Variants in CHD5 observed in about 807,000 individuals in gnomAD.
The protein encoded by CHD5 is ATP-dependent chromatin remodeler CHD5.
CHD5 carries 69 observed loss-of-function variants against 230.3 expected under a neutral mutation model. The ratio of observed to expected loss-of-function variants is 0.30; its 90% CI spans 0.25 to 0.37. CHD5 has a LOEUF of 0.37. Ranked by LOEUF, CHD5 falls within the 10% of genes least tolerant of loss-of-function variation. The pLI is 1.00. For synonymous variants in CHD5, 1,064 were observed against 1,065.9 expected, an observed-to-expected ratio of 1.00 and a Z score of 0.03; for missense variants, 1,827 against 2,622.8, an observed-to-expected ratio of 0.70 and a Z score of 6.63.
Position 6,174,346 on chromosome 1 carries a change from A to G in CHD5, c.79+5599T>C, listed in dbSNP as rs1667385570. Among the ~76,000 whole-genome samples the G allele has an allele frequency of 2.6e-5, 4 of 152,222 alleles. No homozygotes were observed. In the South Asian group the frequency reaches 8.3e-4, roughly 32 times the overall value. On this transcript the variant is annotated intron_variant, in intron 1 of 41. Transcript: ENST00000262450. ...GTGTTCAGTACCCAGCTCAGAGAAG[A>G]TATTCCAGAAGTCTCTGATGGGTGG... is the stretch of plus-strand genomic sequence containing the variant.
Position 6,121,629 on chromosome 1 carries a change from G to T in CHD5, c.4700-56C>A. On this transcript the variant is annotated intron_variant, in intron 31 of 41. Transcript: ENST00000262450. The surrounding 1 kb of genome is among the most constrained non-coding windows in gnomAD (Gnocchi z 4.5). ...GTGGGCTCAGACGGGAAGGAGTAGG[G>T]CAGGGAGTGGGGTGGCAGAGAGGAG... 1 of 1,337,326 alleles carries T rather than the reference G, an allele frequency of 7.5e-7. No homozygotes were observed. The highest frequency in any genetic ancestry group is 1.1e-6 in the Non-Finnish European group (1 of 946,374). The allele number at this position is 1,337,326 out of a possible 1,614,324, so 82.8% of individuals were successfully genotyped here.
chr1:6,113,983 C>T (rs1179058144), intron 33 of CHD5, among the ~76,000 whole-genome samples: 1 of 152,196 alleles, frequency 6.6e-6, no homozygotes, highest in East Asian at 1.9e-4. Flanking sequence ...GGCGCGGTGG[C>T]TCACGCCTGT....
At chr1:6,140,934 C>G (rs180897695) in intron 15 of CHD5, among the ~76,000 whole-genome samples, 1 of 150,770 alleles carries the variant, frequency 6.6e-6, no homozygotes, top group Admixed American at 6.6e-5. Context: ...TCACTGCACT[C>G]TAGCCTGGGT....
chr1:6,146,354 A>AG lies in CHD5; in HGVS notation c.1659dup (p.Phe554LeufsTer2), dbSNP rs1419451052. ...TCTTCATCCCCAGAGCCGTAGTCAAAGGGGGGCGGCTCATCCATGTCGTTC... is the reference window on the plus strand; with the variant it reads ...TCTTCATCCCCAGAGCCGTAGTCAAAGGGGGGGCGGCTCATCCATGTCGTTC... On this transcript the variant is annotated frameshift_variant, in exon 11 of 42. Transcript: ENST00000262450. LOFTEE classifies it high-confidence loss of function. The surrounding 1 kb of genome is among the most constrained non-coding windows in gnomAD (Gnocchi z 5.1). The AG allele has an allele frequency of 6.2e-7, 1 of 1,614,142 alleles. No individual in the cohort carries two copies. The highest frequency in any genetic ancestry group is 1.7e-5 in the Admixed American group (1 of 60,024).
At chr1:6,122,137 T>C (rs1002268627) in intron 31 of CHD5, among the ~76,000 whole-genome samples, 1 of 152,140 alleles carries the variant, frequency 6.6e-6, no homozygotes, top group Admixed American at 6.5e-5. Flanking sequence ...TGTGTCCACC[T>C]CCAAGGGCTC....
In CHD5 at chr1:6,170,373, C is replaced by G. The variant is rs545589249; in HGVS notation, c.80-2096G>C. 3.0e-4 allele frequency among the ~76,000 whole-genome samples: 45 copies of G among 152,308 alleles called. No individual in the cohort carries two copies. The South Asian group carries it at 8.7e-3, about 29-fold the overall frequency. On this transcript the variant is annotated intron_variant, in intron 1 of 41. Transcript: ENST00000262450. ...GGGCTCCTACCCTGGGTCTCTGGGG[C>G]TCCCATGGCCCACACTATGGGTGCA...
rs760560426 is a variant in CHD5, at chr1:6,106,255, C to A, written c.*25G>T. 2.8e-5 allele frequency: 45 copies of A among 1,612,654 alleles called. No homozygotes were observed. The highest frequency in any genetic ancestry group is 3.6e-5 in the Non-Finnish European group (43 of 1,179,962). On this transcript the variant is annotated 3_prime_UTR_variant, in exon 41 of 42. Transcript: ENST00000262450. ...TCACCTCAGCTGGAAATGAGCGCTG[C>A]AACACAGGGAAGTCTCGAGGACGGC...
intron 33 of CHD5, among the ~76,000 whole-genome samples, chr1:6,117,684 A>C (rs547541409): frequency 6.6e-6 from 1 of 152,390 alleles, no homozygotes; most frequent in South Asian, 2.1e-4. Flanking sequence ...TCACATGAAA[A>C]AATATTCAAC....
At chr1:6,172,678 G>A (rs1411208790) in intron 1 of CHD5, among the ~76,000 whole-genome samples, 1 of 152,172 alleles carries the variant, frequency 6.6e-6, no homozygotes, top group Non-Finnish European at 1.5e-5. Context: ...CCCACGCTGT[G>A]TAAACCGGCT....
chr1:6,109,460 T>G (rs1666249833), intron 38 of CHD5, among the ~76,000 whole-genome samples: 1 of 152,222 alleles, frequency 6.6e-6, no homozygotes, highest in Non-Finnish European at 1.5e-5. Context: ...TGATGGGTAT[T>G]GCCCGGGCTA....
In CHD5 at chr1:6,180,288, G is replaced by A. The variant is rs2100894801; in HGVS notation, c.-265C>T. On this transcript the variant is annotated 5_prime_UTR_variant, in exon 1 of 42. Transcript: ENST00000262450. ...AGCCCGAGTCCCGCAGCCGGCCGAG[G>A]GTGGCGGCGGCAGCGCCAGAGGCAC... 6.6e-6 allele frequency among the ~76,000 whole-genome samples: 1 copy of A among 151,228 alleles called. No homozygotes were observed. The highest frequency in any genetic ancestry group is 2.1e-4 in the South Asian group (1 of 4,802).
chr1:6,104,584 A>T lies in CHD5; in HGVS notation c.*890T>A, dbSNP rs1479304955. 6.6e-6 allele frequency: 1 copy of T among 152,348 alleles called. No homozygotes were observed. The highest frequency in any genetic ancestry group is 1.5e-5 in the Non-Finnish European group (1 of 68,226). 9.4% of individuals were successfully genotyped at this position (152,348 alleles called of 1,614,324 possible). A position where few individuals can be genotyped will look rare whatever the true frequency, so the allele number is the denominator to read the frequency against. On this transcript the variant is annotated 3_prime_UTR_variant, in exon 42 of 42. Coordinates refer to ENST00000262450, the MANE Select transcript of CHD5 (RefSeq NM_015557.3). ...TTAACCACACCTCTGGCAGAAGGCA[A>T]ACCCAACGCAGCAGTGGCTCCGAGG... is the stretch of plus-strand genomic sequence containing the variant.
intron 33 of CHD5, among the ~76,000 whole-genome samples, chr1:6,119,866 T>TA (rs1557540359): frequency 1.5e-3 from 126 of 84,278 alleles, no homozygotes; most frequent in South Asian, 8.8e-3. Context: ...ATATATATAT[T>TA]TTTTTTTTTT....
chr1:6,150,610 TA>T (rs1012448591), intron 7 of CHD5, among the ~76,000 whole-genome samples: 2 of 150,338 alleles, frequency 1.3e-5, no homozygotes, highest in Non-Finnish European at 3.0e-5. Context: ...GATGGATGGA[TA>T]AAAAGAAGGG....
In CHD5 at chr1:6,104,416, C is replaced by G. The variant is rs1666125139; in HGVS notation, c.*1058G>C. ...CCTTTCCAGGGACAGGGGAATGGGA[C>G]AAGTCCAGGCCCCCAGGGGCAGCCC... is the stretch of plus-strand genomic sequence containing the variant. On this transcript the variant is annotated 3_prime_UTR_variant, in exon 42 of 42. Coordinates refer to ENST00000262450, the MANE Select transcript of CHD5 (RefSeq NM_015557.3). 6.6e-6 allele frequency: 1 copy of G among 152,404 alleles called. No individual in the cohort carries two copies. The highest frequency in any genetic ancestry group is 1.5e-5 in the Non-Finnish European group (1 of 68,220). 9.4% of individuals were successfully genotyped at this position (152,404 alleles called of 1,614,324 possible).
rs1018497118 is a variant in CHD5, at chr1:6,129,245, G to A, written c.3388-176C>T. Among the ~76,000 whole-genome samples, 60 of 152,146 alleles carry A rather than the reference G, an allele frequency of 3.9e-4. No individual in the cohort carries two copies. Among genetic ancestry groups the A allele is most frequent in the East Asian group, 1.9e-4 (1 of 5,180 alleles). ...GCAGCTGGGCTCCCTCCCTGACTGC[G>A]GAGCCTCCCACAAGCCTGGGTGCCA... On this transcript the variant is annotated intron_variant, in intron 22 of 41. Coordinates refer to ENST00000262450, the MANE Select transcript of CHD5 (RefSeq NM_015557.3). This position sits in a 1 kb window ranked among gnomAD's most constrained non-coding sequence, Gnocchi z 6.8.
chr1:6,136,477 G>GC (rs1395412865), intron 17 of CHD5, 40 bp downstream of exon 17: 3 of 1,607,198 alleles, frequency 1.9e-6, no homozygotes, highest in Non-Finnish European at 2.6e-6. Flanking sequence ...GGGCCACCCA[G>GC]CCCCACCACC....
Position 6,131,088 on chromosome 1 carries a change from G to A in CHD5, c.3262+543C>T, listed in dbSNP as rs1666649784. Among the ~76,000 whole-genome samples, 1 of 152,232 alleles carries A rather than the reference G, an allele frequency of 6.6e-6. No individual in the cohort carries two copies. Among genetic ancestry groups the A allele is most frequent in the South Asian group, 2.1e-4 (1 of 4,834 alleles). On this transcript the variant is annotated intron_variant, in intron 21 of 41. Coordinates refer to ENST00000262450, the MANE Select transcript of CHD5 (RefSeq NM_015557.3). This position sits in a 1 kb window ranked among gnomAD's most constrained non-coding sequence, Gnocchi z 5.0. ...TACTATTTGCTGCAAACTTGCTACT[G>A]AAGCTTACAGCCGACTGCTTCCCAC...
Position 6,133,985 on chromosome 1 carries a change from AC to A in CHD5, c.3144+142del. Reference sequence around the variant, plus strand: ...CATTATGCCAGGGCACGGGGGAGTGACCCCTGACACACAGTCACATGACCCA... The same window carrying A: ...CATTATGCCAGGGCACGGGGGAGTGACCCTGACACACAGTCACATGACCCA... On this transcript the variant is annotated intron_variant, in intron 20 of 41. Coordinates refer to ENST00000262450, the MANE Select transcript of CHD5 (RefSeq NM_015557.3). The A allele has an allele frequency of 4.0e-6, 3 of 758,410 alleles. No individual in the cohort carries two copies. The East Asian group carries it at 8.0e-5, about 20-fold the overall frequency. The allele number at this position is 758,410 out of a possible 1,614,324, so 47.0% of individuals were successfully genotyped here. A position where few individuals can be genotyped will look rare whatever the true frequency, so the allele number is the denominator to read the frequency against.
Sources: allele counts gnomAD v4.1 joint callset (sites outside exome capture counted in the v4.1 genomes callset), GRCh38; gene constraint gnomAD v4.1.1; non-coding constraint Gnocchi (gnomAD v3.1); transcripts MANE v1.5; gene names NCBI Gene and HGNC (gene_info 2026-07-23, HGNC 2026-07-21).